Variants in TYW1B observed in about 807,000 individuals in gnomAD.
TYW1B encodes tRNA-yW synthesizing protein 1 homolog B.
Under a neutral mutation model 86.9 loss-of-function variants are expected in TYW1B, and 73 were observed. The ratio of observed to expected loss-of-function variants is 0.84; its 90% confidence interval spans 0.70 to 1.02. The LOEUF (loss-of-function observed/expected upper bound fraction) is 1.02. Ranked by LOEUF, TYW1B falls within the 50% of genes least tolerant of loss-of-function variation. The pLI is 0.00. For synonymous variants in TYW1B, 248 were observed against 292.8 expected, an observed-to-expected ratio of 0.85 and a Z score of 1.56; for missense variants, 637 against 827.4, an observed-to-expected ratio of 0.77 and a Z score of 2.82.
rs144253796 is a variant in TYW1B, at chr7:72,662,935, A to C, written c.1506+31752T>G. On this transcript the variant is annotated intron_variant, in intron 11 of 13. Coordinates refer to ENST00000620995, the MANE Select transcript of TYW1B (RefSeq NM_001145440.3). ...TGCTTCCTTCTTTCTAGTTTCAATG[A>C]GCAAAAGAAATTAGCTTCTGATCAT... is the stretch of plus-strand genomic sequence containing the variant. 4.3e-3 allele frequency among the ~76,000 whole-genome samples: 661 copies of C among 152,334 alleles called. 6 individuals are homozygous for C. Among genetic ancestry groups the C allele is most frequent in the African/African-American group, 0.014 (574 of 41,580 alleles).
At chr7:72,812,292 G>C (rs1788636027) in intron 3 of TYW1B, among the ~76,000 whole-genome samples, 1 of 152,134 alleles carries the variant, frequency 6.6e-6, no homozygotes. Flanking sequence ...ATGAAACAAA[G>C]TTTCGACTGC....
intron 7 of TYW1B, among the ~76,000 whole-genome samples, chr7:72,774,460 A>C (rs1388003615): frequency 4.2e-4 from 64 of 152,002 alleles, no homozygotes; most frequent in Middle Eastern, 3.5e-3. Context: ...CCGTGGCTCA[A>C]GTCTGTAATC....
intron 11 of TYW1B, among the ~76,000 whole-genome samples, chr7:72,660,121 G>C (rs1813295173): frequency 6.6e-6 from 1 of 152,070 alleles, no homozygotes; most frequent in Admixed American, 6.6e-5. Flanking sequence ...TACAATCCCA[G>C]CACTTTAAGA....
At chr7:72,606,624 A>C (rs1811807166) in intron 13 of TYW1B, among the ~76,000 whole-genome samples, 1 of 150,162 alleles carries the variant, frequency 6.7e-6, no homozygotes, top group African/African-American at 2.5e-5. Flanking sequence ...CCCCGCCTCC[A>C]TCCTATAATG....
intron 11 of TYW1B, among the ~76,000 whole-genome samples, chr7:72,652,039 T>G (rs1813071233): frequency 6.6e-6 from 1 of 151,206 alleles, no homozygotes; most frequent in Admixed American, 6.6e-5. Context: ...CACCTCAGCC[T>G]CCCGGTAAGA....
chr7:72,734,760 CAA>C (rs1297977375), intron 8 of TYW1B, among the ~76,000 whole-genome samples: 1 of 151,980 alleles, frequency 6.6e-6, no homozygotes, highest in Admixed American at 6.6e-5. Context: ...AACCCAACAG[CAA>C]AAAAACCCAC....
chr7:72,735,773 G>A (rs1787186768), intron 8 of TYW1B, among the ~76,000 whole-genome samples: 1 of 151,282 alleles, frequency 6.6e-6, no homozygotes, highest in Non-Finnish European at 1.5e-5. Context: ...GGGAGGCTGA[G>A]GGACAAGAAT....
At chr7:72,784,426 T>C (rs1358485540) in intron 6 of TYW1B, among the ~76,000 whole-genome samples, 2 of 152,216 alleles carry the variant, frequency 1.3e-5, no homozygotes, top group African/African-American at 2.4e-5. Flanking sequence ...CAGATGATAA[T>C]AGTTTGATCA....
At chr7:72,692,589 G>A (rs1260436365) in intron 11 of TYW1B, among the ~76,000 whole-genome samples, 1 of 151,998 alleles carries the variant, frequency 6.6e-6, no homozygotes, top group African/African-American at 2.4e-5. Flanking sequence ...TCAGACATAA[G>A]GAAGGAATCC....
rs535103620 is a variant in TYW1B, at chr7:72,720,879, C to A, written c.1193-7081G>T. ...TCGTCATTTACATTAGGTGTATCTC[C>A]TAATGCTATCCCTCCCCCCTCCCCC... On this transcript the variant is annotated intron_variant, in intron 9 of 13. Coordinates refer to ENST00000620995, the MANE Select transcript of TYW1B (RefSeq NM_001145440.3). 5.3e-5 allele frequency among the ~76,000 whole-genome samples: 8 copies of A among 151,666 alleles called. No individual in the cohort carries two copies. In the South Asian group the frequency reaches 1.3e-3, roughly 24 times the overall value.
chr7:72,741,714 C>T (rs1242528777), intron 8 of TYW1B, among the ~76,000 whole-genome samples: 1 of 152,058 alleles, frequency 6.6e-6, no homozygotes, highest in Non-Finnish European at 1.5e-5. Flanking sequence ...AAGAATAAGA[C>T]AAAGAAAGTA....
Position 72,807,168 on chromosome 7 carries a change from G to A in TYW1B, c.621C>T (p.Gly207=), listed in dbSNP as rs564918460. Residue 207 remains glycine (G), a synonymous_variant, in exon 5 of 14, where the codon GGC becomes GGT. Transcript: ENST00000620995. ...CACATTTGCCTTTCTTGCAGTGGCC[G>A]CCACAGGACTTCTTTCTCTCCCCTT... ...LQKGERKKSC[G]GHCKKGKCES... is the part of the protein sequence containing the mutation. 3.7e-5 allele frequency: 60 copies of A among 1,613,792 alleles called. No individual in the cohort carries two copies. In the Admixed American group the frequency reaches 4.8e-4, roughly 13 times the overall value.
At chr7:72,576,602 T>C (rs1323487810) in intron 13 of TYW1B, among the ~76,000 whole-genome samples, 1 of 145,526 alleles carries the variant, frequency 6.9e-6, no homozygotes, top group Non-Finnish European at 1.5e-5. Flanking sequence ...AAGCTCCGCC[T>C]CCTGCGTTCA....
intron 10 of TYW1B, among the ~76,000 whole-genome samples, chr7:72,711,500 T>TTTTTG (rs1786665002): frequency 7.0e-6 from 1 of 143,830 alleles, no homozygotes; most frequent in African/African-American, 2.6e-5. Flanking sequence ...TTTTTTTTTT[T>TTTTTG]GCTCTGTAGC....
intron 6 of TYW1B, among the ~76,000 whole-genome samples, chr7:72,785,630 G>C (rs1305937014): frequency 1.5e-4 from 23 of 152,028 alleles, no homozygotes; most frequent in Non-Finnish European, 3.2e-4. Context: ...AAGCTGAGAT[G>C]TATGACTCCA....
At chr7:72,612,758 ATT>A (rs1161634059) in intron 13 of TYW1B, among the ~76,000 whole-genome samples, 1 of 150,226 alleles carries the variant, frequency 6.7e-6, no homozygotes, top group African/African-American at 2.4e-5. Context: ...TTATTTATTT[ATT>A]TTTTTTTTTG....
chr7:72,691,727 T>G (rs1814166621), intron 11 of TYW1B, among the ~76,000 whole-genome samples: 1 of 152,192 alleles, frequency 6.6e-6, no homozygotes, highest in South Asian at 2.1e-4. Flanking sequence ...CAAGACCGCT[T>G]AGAAACTAAA....
intron 7 of TYW1B, among the ~76,000 whole-genome samples, chr7:72,753,688 C>T (rs1157673823): frequency 2.0e-5 from 3 of 152,008 alleles, no homozygotes; most frequent in Non-Finnish European, 4.4e-5. Flanking sequence ...AGCACCTTGG[C>T]CAGGCTGGTC....
At chr7:72,690,133 T>C (rs1814108642) in intron 11 of TYW1B, among the ~76,000 whole-genome samples, 1 of 152,232 alleles carries the variant, frequency 6.6e-6, no homozygotes, top group South Asian at 2.1e-4. Flanking sequence ...GTTTCAAGAA[T>C]GTTAATGCTA....
Sources: allele counts gnomAD v4.1 joint callset (sites outside exome capture counted in the v4.1 genomes callset), GRCh38; gene constraint gnomAD v4.1.1; transcripts MANE v1.5; gene names NCBI Gene and HGNC (gene_info 2026-07-23, HGNC 2026-07-21).